The following TIAM1 variants were observed in gnomAD, a reference collection of about 807,000 sequenced individuals.
TIAM1 encodes TIAM Rac1 associated GEF 1.
A neutral mutation model predicts 163.5 loss-of-function variants in TIAM1; 65 were observed. The ratio of observed to expected loss-of-function variants is 0.40; its 90% CI spans 0.33 to 0.49. The LOEUF is 0.49. Among genes scored for constraint, TIAM1 ranks in the 20% least tolerant of loss-of-function variants. The pLI is 0.77. For missense variants in TIAM1, 1,789 were observed against 2,044.7 expected (o/e 0.87, Z 2.41); for synonymous variants, 833 against 810.1 (o/e 1.03, Z -0.48).
intron 2 of TIAM1, among the ~76,000 whole-genome samples, chr21:31,302,151 G>A (rs1438290746): frequency 6.6e-6 from 1 of 151,848 alleles, no homozygotes; most frequent in Non-Finnish European, 1.5e-5. Context: ...GAAAGAAAAT[G>A]TTTTCATGGC....
chr21:31,385,863 T>C (rs1309089310), intron 2 of TIAM1, among the ~76,000 whole-genome samples: 3 of 110,394 alleles, frequency 2.7e-5, no homozygotes, highest in Non-Finnish European at 3.8e-5. Flanking sequence ...ACATATTGAT[T>C]ATATATTAAT....
At chr21:31,385,432 AG>A (rs1359100064) in intron 2 of TIAM1, among the ~76,000 whole-genome samples, 1 of 152,152 alleles carries the variant, frequency 6.6e-6, no homozygotes, top group African/African-American at 2.4e-5. Context: ...CTACGAAAGA[AG>A]GGTGGGGTCA....
chr21:31,378,682 A>G (rs1172690102), intron 2 of TIAM1, among the ~76,000 whole-genome samples: 1 of 152,028 alleles, frequency 6.6e-6, no homozygotes, highest in African/African-American at 2.4e-5. Context: ...CTGCCACACA[A>G]TTTGGCCAAG....
intron 2 of TIAM1, among the ~76,000 whole-genome samples, chr21:31,438,586 C>T (rs558059): frequency 5.3e-5 from 8 of 151,846 alleles, no homozygotes; most frequent in Admixed American, 5.2e-4. Flanking sequence ...AACGTACCAT[C>T]AGCTCACCTG....
intron 2 of TIAM1, among the ~76,000 whole-genome samples, chr21:31,322,303 T>C (rs1421665154): frequency 6.6e-6 from 1 of 152,148 alleles, no homozygotes; most frequent in South Asian, 2.1e-4. Flanking sequence ...ACCACAGTCT[T>C]CCCTCTCACT....
At chr21:31,123,110 T>C (rs1313884855) in intron 27 of TIAM1, among the ~76,000 whole-genome samples, 3 of 152,222 alleles carry the variant, frequency 2.0e-5, no homozygotes. Flanking sequence ...TGTTAAATTG[T>C]GGGCTGGTTT....
chr21:31,127,014 C>G (rs1464225003), intron 26 of TIAM1, 51 bp downstream of exon 26: 1 of 1,582,408 alleles, frequency 6.3e-7, no homozygotes, highest in Non-Finnish European at 8.7e-7. Context: ...CCAAACCGTT[C>G]CAATCTGCAG....
intron 13 of TIAM1, among the ~76,000 whole-genome samples, chr21:31,193,965 C>T (rs148737148): frequency 6.6e-5 from 10 of 152,252 alleles, no homozygotes; most frequent in Non-Finnish European, 1.0e-4. Context: ...AGCTTCCATG[C>T]GTGCTGTGTA....
rs1486807157 is a variant in TIAM1, at chr21:31,553,262, C to T, written c.-422+5665G>A. On this transcript the variant is annotated intron_variant, in intron 1 of 28. Transcript: ENST00000286827. ...TTGGGGCCTTAGCAGTGTGGAGATG[C>T]ACCCTGTGGTTATCAGTACCCAGGT... Among the ~76,000 whole-genome samples, 3 of 152,172 alleles carry T rather than the reference C, an allele frequency of 2.0e-5. 1 individual carries two copies. The highest frequency in any genetic ancestry group is 4.4e-5 in the Non-Finnish European group (3 of 68,028).
At chr21:31,165,372 G>T (rs1278280652) in intron 15 of TIAM1, among the ~76,000 whole-genome samples, 2 of 152,142 alleles carry the variant, frequency 1.3e-5, no homozygotes, top group Non-Finnish European at 2.9e-5. Flanking sequence ...GTTAGAAGAG[G>T]GATGTTTGGG....
At chr21:31,428,093 C>T (rs1318017400) in intron 2 of TIAM1, among the ~76,000 whole-genome samples, 2 of 152,104 alleles carry the variant, frequency 1.3e-5, no homozygotes, top group African/African-American at 4.8e-5. Flanking sequence ...GAAACCCTGT[C>T]TCTACTAAAA....
chr21:31,211,850 T>G (rs913705424), intron 10 of TIAM1, among the ~76,000 whole-genome samples: 2 of 152,188 alleles, frequency 1.3e-5, no homozygotes, highest in African/African-American at 2.4e-5. Context: ...CTAGCCAGGA[T>G]GTGGGAGAAA....
intron 14 of TIAM1, among the ~76,000 whole-genome samples, chr21:31,183,718 G>A (rs1242199673): frequency 2.0e-5 from 3 of 147,698 alleles, no homozygotes; most frequent in Non-Finnish European, 3.0e-5. Flanking sequence ...TTTTTGAGAC[G>A]GAGTCTCACT....
In TIAM1 at chr21:31,548,494, T is replaced by G. The variant is rs549023794; in HGVS notation, c.-422+10433A>C. ...CAACCTTAACCTTTTGTTGTTGTTT[T>G]TTTTTTTTTTTGAGACGAGAGCCTC... On this transcript the variant is annotated intron_variant, in intron 1 of 28. Coordinates refer to the TIAM1 transcript ENST00000286827. 3.3e-3 allele frequency among the ~76,000 whole-genome samples: 502 copies of G among 149,948 alleles called. 1 individual carries two copies. Among genetic ancestry groups the G allele is most frequent in the African/African-American group, 0.012 (472 of 40,828 alleles).
In TIAM1 at chr21:31,217,626, C is replaced by T. The variant is rs1412123441; in HGVS notation, c.2069G>A (p.Arg690Lys). ...ACCCCACAGAGAAGAAAACCTGCTCCTTCGCTTGCTCGCGGATCTGGACAT... is the reference window on the plus strand; with the variant it reads ...ACCCCACAGAGAAGAAAACCTGCTCTTTCGCTTGCTCGCGGATCTGGACAT... ...QAMSRSASKR[R>K]SRFSSLWGLD... Residue 690 changes from arginine to lysine, a missense_variant, in exon 9 of 28, where the codon AGG becomes AAG. By Grantham distance (26) the Arg-to-Lys change is conservative. Transcript: ENST00000541036. The T allele has an allele frequency of 1.2e-6, 2 of 1,614,030 alleles. No individual in the cohort carries two copies. The highest frequency in any genetic ancestry group is 1.7e-5 in the Admixed American group (1 of 59,998).
intron 2 of TIAM1, among the ~76,000 whole-genome samples, chr21:31,331,103 A>G (rs2075664942): frequency 6.6e-6 from 1 of 152,184 alleles, no homozygotes; most frequent in Non-Finnish European, 1.5e-5. Flanking sequence ...TGACATACAG[A>G]GCCAGTGCTA....
chr21:31,185,580 TATA>T (rs1306070716), intron 14 of TIAM1, among the ~76,000 whole-genome samples: 2 of 135,588 alleles, frequency 1.5e-5, no homozygotes, highest in Non-Finnish European at 3.1e-5. Context: ...TATATATTAA[TATA>T]ATATATTATA....
At chr21:31,381,397 G>A (rs1171776710) in intron 2 of TIAM1, among the ~76,000 whole-genome samples, 1 of 152,132 alleles carries the variant, frequency 6.6e-6, no homozygotes, top group Non-Finnish European at 1.5e-5. Flanking sequence ...GCCGGGCACA[G>A]TGGCTCACAC....
intron 1 of TIAM1, among the ~76,000 whole-genome samples, chr21:31,529,179 A>C (rs1038079324): frequency 6.6e-6 from 1 of 151,954 alleles, no homozygotes; most frequent in Non-Finnish European, 1.5e-5. Context: ...TCGGCCTCCC[A>C]AAGTGCTGGG....
Sources: allele counts gnomAD v4.1 joint callset (sites outside exome capture counted in the v4.1 genomes callset), GRCh38; gene constraint gnomAD v4.1.1; transcripts MANE v1.5; gene names NCBI Gene and HGNC (gene_info 2026-07-23, HGNC 2026-07-21).